Variants in KLHDC8A observed in about 807,000 individuals in gnomAD.
The protein encoded by KLHDC8A is kelch domain-containing protein 8A.
In KLHDC8A, 21 loss-of-function variants were observed where a neutral mutation model predicts 33.1. The observed-to-expected ratio is 0.64, with a 90% CI of 0.45 to 0.91. The LOEUF (loss-of-function observed/expected upper bound fraction) is 0.91. KLHDC8A is among the 40% of genes least tolerant of loss of function. The pLI is 0.00. For synonymous variants in KLHDC8A, 173 were observed against 193.5 expected (o/e 0.89, Z 0.88); for missense variants, 435 against 483.3 (o/e 0.90, Z 0.94).
chr1:205,337,255 C>T lies in KLHDC8A; in HGVS notation c.*144G>A. ...GGATTTGGAGCTATAGAGAGGTCAA[C>T]TTAGAGCCCCAAGGCCAGACTCCAC... On this transcript the variant is annotated 3_prime_UTR_variant, in exon 6 of 6. Coordinates refer to ENST00000367155, the MANE Select transcript of KLHDC8A (RefSeq NM_018203.3). The T allele has an allele frequency of 3.0e-6, 2 of 663,680 alleles. No individual in the cohort carries two copies. The highest frequency in any genetic ancestry group is 1.8e-5 in the South Asian group (1 of 55,184). The allele number at this position is 663,680 out of a possible 1,614,324, so 41.1% of individuals were successfully genotyped here. A position where few individuals can be genotyped will look rare whatever the true frequency, so the allele number is the denominator to read the frequency against.
chr1:205,339,248 G>T lies in KLHDC8A; in HGVS notation c.703C>A (p.Leu235Ile). The T allele has an allele frequency of 6.2e-7, 1 of 1,614,206 alleles. No individual in the cohort carries two copies. The highest frequency in any genetic ancestry group is 8.5e-7 in the Non-Finnish European group (1 of 1,180,028). ...CGCAGGAACTTGGGCTGCCGGTAGA[G>T]GCGACCTTGCCGCAGGCCTCCTAGG... ...YSLGGLRQGR[L>I]YRQPKFLRTM... The change falls in exon 4 of 6, where the codon CTC becomes ATC. Residue 235 changes from leucine (L) to isoleucine (I), a missense_variant. Transcript: ENST00000367155. This position sits in a 1 kb window ranked among gnomAD's most constrained non-coding sequence, Gnocchi z 5.1.
At chr1:205,353,481 C>A (rs1663177149) in intron 1 of KLHDC8A, among the ~76,000 whole-genome samples, 1 of 152,232 alleles carries the variant, frequency 6.6e-6, no homozygotes, top group South Asian at 2.1e-4. Context: ...CCCTCCCCTG[C>A]ACCTTAGGCT....
chr1:205,343,856 A>C, intron 1 of KLHDC8A, 63 bp from the exon 2 acceptor site: 1 of 483,280 alleles, frequency 2.1e-6, no homozygotes, highest in Non-Finnish European at 3.6e-6. Flanking sequence ...CGGGCAGCGG[A>C]TGGGCTCCGC....
chr1:205,355,336 G>A (rs1663236452), intron 1 of KLHDC8A, among the ~76,000 whole-genome samples: 1 of 152,140 alleles, frequency 6.6e-6, no homozygotes, highest in South Asian at 2.1e-4. Flanking sequence ...GCTCCTTCCT[G>A]CTTGTTGACA....
In KLHDC8A at chr1:205,343,376, G is replaced by A. The variant is rs1227431132; in HGVS notation, c.229C>T (p.Leu77=). 1.9e-6 allele frequency: 3 copies of A among 1,613,688 alleles called. No individual in the cohort carries two copies. Among genetic ancestry groups the A allele is most frequent in the Non-Finnish European group, 2.5e-6 (3 of 1,179,928 alleles). Residue 77 remains leucine (L), a synonymous_variant, in exon 2 of 6, where the codon CTG becomes TTG. Transcript: ENST00000367155. ...CCAATCACCATGATCCGCTTCCCCA[G>A]GGCGGTGACGGCCACCCCCGCCCGG... is the stretch of plus-strand genomic sequence containing the variant. ...TARAGVAVTA[L]GKRIMVIGGV...
intron 2 of KLHDC8A, 148 bp downstream of exon 2, chr1:205,343,081 T>C: frequency 9.0e-7 from 1 of 1,107,712 alleles, no homozygotes; most frequent in Non-Finnish European, 1.2e-6. Context: ...CGGCGGGAGG[T>C]GCAGGCATTT....
Position 205,343,306 on chromosome 1 carries a change from T to C in KLHDC8A, c.299A>G (p.Tyr100Cys). ...NQLPLKVVEMYNIDEGKWKKR... is the reference protein window; with the variant it reads ...NQLPLKVVEMCNIDEGKWKKR... ...CTTCCACTTGCCCTCATCGATGTTG[T>C]ACATCTCCACGACCTTCAGGGGCAG... is the stretch of plus-strand genomic sequence containing the variant. The change falls in exon 2 of 6, where the codon TAC (tyrosine) becomes TGC (cysteine). Residue 100 changes from tyrosine (Y) to cysteine (C), a missense_variant. Coordinates refer to ENST00000367155, the MANE Select transcript of KLHDC8A (RefSeq NM_018203.3). 1 of 1,613,580 alleles carries C rather than the reference T, an allele frequency of 6.2e-7. No homozygotes were observed. Among genetic ancestry groups the C allele is most frequent in the Non-Finnish European group, 8.5e-7 (1 of 1,179,924 alleles).
At chr1:205,356,049 T>A (rs756497102) in intron 1 of KLHDC8A, among the ~76,000 whole-genome samples, 26 of 152,326 alleles carry the variant, frequency 1.7e-4, no homozygotes, top group Non-Finnish European at 3.5e-4. Flanking sequence ...GTGAACACAG[T>A]AACCTAATAG....
chr1:205,339,412 G>A lies in KLHDC8A; in HGVS notation c.542-3C>T, dbSNP rs1483865933. ...CGCGTACTTGGACTGTCGTCCCCCT[G>A]GGGGCCAGAGCAGGATAGAGGTTGG... On this transcript the variant is annotated splice_region_variant and splice_polypyrimidine_tract_variant and intron_variant, in intron 3 of 5. Coordinates refer to ENST00000367155, the MANE Select transcript of KLHDC8A (RefSeq NM_018203.3). This position sits in a 1 kb window ranked among gnomAD's most constrained non-coding sequence, Gnocchi z 5.1. 1 of 1,612,026 alleles carries A rather than the reference G, an allele frequency of 6.2e-7. No individual in the cohort carries two copies. Among genetic ancestry groups the A allele is most frequent in the Admixed American group, 1.7e-5 (1 of 59,804 alleles).
chr1:205,339,992 G>A lies in KLHDC8A; in HGVS notation c.377-184C>T. ...AGAAGTTCCTGCTATAGCTAAGCCT[G>A]AGAGTCTGTTTCTTTTTTTTTATTT... On this transcript the variant is annotated intron_variant, in intron 2 of 5. Transcript: ENST00000367155. This position sits in a 1 kb window ranked among gnomAD's most constrained non-coding sequence, Gnocchi z 5.1. The A allele has an allele frequency of 1.2e-5, 5 of 411,824 alleles. No homozygotes were observed. Among genetic ancestry groups the A allele is most frequent in the Non-Finnish European group, 2.1e-5 (5 of 233,762 alleles). 25.5% of individuals were successfully genotyped at this position (411,824 alleles called of 1,614,324 possible).
At position 205,339,453 on chromosome 1, in the gene KLHDC8A, C is replaced by T. The variant is rs751666451; in HGVS notation, c.542-44G>A. 4 of 1,565,288 alleles carry T rather than the reference C, an allele frequency of 2.6e-6. No homozygotes were observed. Among genetic ancestry groups the T allele is most frequent in the Non-Finnish European group, 3.5e-6 (4 of 1,140,704 alleles). ...TAGAGGTTGGGCAGAAGGGTTGTCC[C>T]TGAGGACAGCGACAGTGAAAAGGGT... On this transcript the variant is annotated intron_variant, in intron 3 of 5. Transcript: ENST00000367155. This position sits in a 1 kb window ranked among gnomAD's most constrained non-coding sequence, Gnocchi z 5.1.
intron 2 of KLHDC8A, among the ~76,000 whole-genome samples, chr1:205,340,332 C>T (rs1662757979): frequency 6.6e-6 from 1 of 152,094 alleles, no homozygotes; most frequent in Admixed American, 6.5e-5. Context: ...TCTTTTGAAG[C>T]CATGGTACGA....
At chr1:205,351,601 TCAAAAA>T (rs1558690281) in intron 1 of KLHDC8A, 2,669 of 256,864 alleles carry the variant, frequency 0.01, 3 homozygotes, top group Middle Eastern at 0.019. Flanking sequence ...TCTGTAATAG[TCAAAAA>T]AAAAAAAAAA....
At chr1:205,352,904 T>A (rs1663157072) in intron 1 of KLHDC8A, among the ~76,000 whole-genome samples, 1 of 152,164 alleles carries the variant, frequency 6.6e-6, no homozygotes, top group African/African-American at 2.4e-5. Context: ...TCCCTGCACA[T>A]CACTAGGCAA....
intron 1 of KLHDC8A, chr1:205,344,193 G>T (rs2102287856): frequency 6.6e-6 from 1 of 152,426 alleles, no homozygotes; most frequent in South Asian, 2.1e-4. Flanking sequence ...GGGGAGCCCG[G>T]AGCCCCCGCC....
In KLHDC8A at chr1:205,342,307, C is replaced by T. The variant is rs575529868; in HGVS notation, c.376+922G>A. Among the ~76,000 whole-genome samples, 11 of 151,454 alleles carry T rather than the reference C, an allele frequency of 7.3e-5. 1 individual carries two copies. Among genetic ancestry groups the T allele is most frequent in the South Asian group, 2.1e-4 (1 of 4,830 alleles). ...TGTGCTCTTTCCCTCCCTTGCTCTC[C>T]GTGGGCCTCCAGGCCTTCCATCCTT... On this transcript the variant is annotated intron_variant, in intron 2 of 5. Transcript: ENST00000367155.
At chr1:205,354,127 G>C (rs887716559) in intron 1 of KLHDC8A, among the ~76,000 whole-genome samples, 2 of 152,242 alleles carry the variant, frequency 1.3e-5, no homozygotes, top group Admixed American at 1.3e-4. Context: ...CCCCACCTCA[G>C]CTCGCTCCAC....
In KLHDC8A at chr1:205,336,470, C is replaced by G. The variant is rs899663886; in HGVS notation, c.*929G>C. On this transcript the variant is annotated 3_prime_UTR_variant, in exon 6 of 6. Transcript: ENST00000367155. ...ATTGTTTTATGGGGTCCTCCCTGCC[C>G]CTCAAGACACCCTTCCGCCCCATCC... The G allele has an allele frequency of 2.6e-5, 4 of 152,578 alleles. No individual in the cohort carries two copies. The highest frequency in any genetic ancestry group is 9.7e-5 in the African/African-American group (4 of 41,392). The allele number at this position is 152,578 out of a possible 1,614,324, so 9.5% of individuals were successfully genotyped here. A position where few individuals can be genotyped will look rare whatever the true frequency, so the allele number is the denominator to read the frequency against.
chr1:205,346,681 T>C lies in KLHDC8A; in HGVS notation c.-189-2888A>G, dbSNP rs1327077190. Among the ~76,000 whole-genome samples, 3 of 152,366 alleles carry C rather than the reference T, an allele frequency of 2.0e-5. No homozygotes were observed. The East Asian group carries it at 5.8e-4, about 29-fold the overall frequency. The stretch of plus-strand genomic sequence containing the variant: ...AGATGAAGTGACTTACTTAGGACCA[T>C]GCAGGCCGTTCAGAGTGGGTCCAAG... On this transcript the variant is annotated intron_variant, in intron 1 of 5. Coordinates refer to ENST00000367155, the MANE Select transcript of KLHDC8A (RefSeq NM_018203.3).
Sources: allele counts gnomAD v4.1 joint callset (sites outside exome capture counted in the v4.1 genomes callset), GRCh38; gene constraint gnomAD v4.1.1; non-coding constraint Gnocchi (gnomAD v3.1); transcripts MANE v1.5; gene names NCBI Gene and HGNC (gene_info 2026-07-23, HGNC 2026-07-21).